THADA: variants seen among roughly 807,000 people sequenced by gnomAD.
The protein encoded by THADA is tRNA (32-2'-O)-methyltransferase regulator THADA.
Under a neutral mutation model 219.8 loss-of-function variants are expected in THADA, and 213 were observed. The observed-to-expected ratio is 0.97, with a 90% CI of 0.87 to 1.09. The LOEUF (loss-of-function observed/expected upper bound fraction) is 1.09. Among genes scored for constraint, THADA ranks in the 50% least tolerant of loss-of-function variants. The pLI is 0.00. For missense variants in THADA, 2,956 were observed against 2,311.3 expected (o/e 1.28, Z -5.72); for synonymous variants, 1,018 against 828.9 (o/e 1.23, Z -3.92).
chr2:43,331,648 C>G (rs1443561335), intron 30 of THADA, among the ~76,000 whole-genome samples: 1 of 152,162 alleles, frequency 6.6e-6, no homozygotes, highest in Non-Finnish European at 1.5e-5. Context: ...CACATGCACT[C>G]CCTCCAGTAT....
intron 36 of THADA, among the ~76,000 whole-genome samples, chr2:43,279,323 A>G (rs1181779676): frequency 6.6e-6 from 1 of 152,020 alleles, no homozygotes; most frequent in East Asian, 1.9e-4. Flanking sequence ...ACACATAATC[A>G]TTTCTCGCTT....
rs543324032 is a variant in THADA at position 43,376,415 on chromosome 2, G to A, written c.4227+21556C>T. On this transcript the variant is annotated intron_variant, in intron 29 of 37. Coordinates refer to ENST00000405975, the MANE Select transcript of THADA (RefSeq NM_022065.5). ...ATAGCTGAAAATACACAGAAGCAAT[G>A]TCCCTTTCCCAAACTACATGTGATG... Among the ~76,000 whole-genome samples the A allele has an allele frequency of 2.0e-5, 3 of 152,310 alleles. No homozygotes were observed. In the South Asian group the frequency reaches 6.2e-4, roughly 32 times the overall value.
rs1697329656 is a variant in THADA at position 43,556,258 on chromosome 2, AAT to A, written c.2674+85_2674+86del. On this transcript the variant is annotated intron_variant, in intron 17 of 37. Coordinates refer to ENST00000405975, the MANE Select transcript of THADA (RefSeq NM_022065.5). ...TAAACTTTTAAATAAAAAACCACAA[AAT>A]ATATGTTTAACCATTAGATATTCTA... is the stretch of plus-strand genomic sequence containing the variant. 7 of 1,535,740 alleles carry A rather than the reference AAT, an allele frequency of 4.6e-6. No homozygotes were observed. The East Asian group carries it at 6.8e-5, about 15-fold the overall frequency.
intron 29 of THADA, among the ~76,000 whole-genome samples, chr2:43,393,658 A>C (rs548503438): frequency 2.3e-4 from 35 of 152,052 alleles, no homozygotes; most frequent in Admixed American, 6.6e-4. Flanking sequence ...CAGTGAGCCA[A>C]GATGGTGCCA....
chr2:43,239,999 G>C (rs1482644933), intron 36 of THADA, among the ~76,000 whole-genome samples: 3 of 152,254 alleles, frequency 2.0e-5, no homozygotes, highest in Admixed American at 6.5e-5. Context: ...AGTTGCCAGA[G>C]GCAAGCTGAC....
At chr2:43,419,283 T>G (rs1677401475) in intron 28 of THADA, among the ~76,000 whole-genome samples, 1 of 152,116 alleles carries the variant, frequency 6.6e-6, no homozygotes, top group Admixed American at 6.5e-5. Flanking sequence ...TGTCTATAAC[T>G]GGTTGGAAGG....
chr2:43,527,865 G>C lies in THADA; in HGVS notation c.3374+14C>G, dbSNP rs1292316507. On this transcript the variant is annotated intron_variant, in intron 22 of 37. Coordinates refer to ENST00000405975, the MANE Select transcript of THADA (RefSeq NM_022065.5). ...AGTCTTTTTAAAACGTACACAAAAG[G>C]ATATTTGTTTTACCTGTTTAGTACT... 2 of 1,540,670 alleles carry C rather than the reference G, an allele frequency of 1.3e-6. No homozygotes were observed. The highest frequency in any genetic ancestry group is 1.7e-5 in the Admixed American group (1 of 58,194).
intron 36 of THADA, among the ~76,000 whole-genome samples, chr2:43,261,616 A>G (rs1670952142): frequency 6.8e-6 from 1 of 147,436 alleles, no homozygotes; most frequent in East Asian, 2.0e-4. Context: ...GCATGCCACT[A>G]ATGCCTGGCT....
rs1329105058 is a variant in THADA, at chr2:43,446,717, A to C, written c.3837-16415T>G. On this transcript the variant is annotated intron_variant, in intron 26 of 37. Coordinates refer to ENST00000405975, the MANE Select transcript of THADA (RefSeq NM_022065.5). ...ATGCAGCAATACGTAATTGAAACACAGTTATAATACTGAAGGCAATGAGTT... is the reference window on the plus strand; with the variant it reads ...ATGCAGCAATACGTAATTGAAACACCGTTATAATACTGAAGGCAATGAGTT... Among the ~76,000 whole-genome samples, 6 of 152,246 alleles carry C rather than the reference A, an allele frequency of 3.9e-5. No individual in the cohort carries two copies. In the East Asian group the frequency reaches 1.2e-3, roughly 29 times the overall value.
At chr2:43,353,323 C>T (rs1050443660) in intron 29 of THADA, among the ~76,000 whole-genome samples, 1 of 149,632 alleles carries the variant, frequency 6.7e-6, no homozygotes, top group South Asian at 2.2e-4. Flanking sequence ...CTTTTCTGCA[C>T]ACCCTCACCA....
In THADA at chr2:43,590,886, A is replaced by T; in HGVS notation, c.240T>A (p.Asp80Glu). The change falls in exon 4 of 38, where the codon GAT (aspartate) becomes GAA (glutamate). Residue 80 changes from aspartate to glutamate, a missense_variant. Transcript: ENST00000405975. The part of the protein sequence containing the change: ...MCDPTIQSCL[D>E]ILAGIYLSLS... ...AAGAAAGATAAATGCCTGCTAAGAT[A>T]TCCAAACAACTTTGAATAGTGGGAT... 1 of 1,613,944 alleles carries T rather than the reference A, an allele frequency of 6.2e-7. No individual in the cohort carries two copies. Among genetic ancestry groups the T allele is most frequent in the Non-Finnish European group, 8.5e-7 (1 of 1,179,846 alleles).
Position 43,481,015 on chromosome 2 carries a change from G to C in THADA, c.3836+4219C>G, listed in dbSNP as rs144138982. Among the ~76,000 whole-genome samples, 10 of 152,226 alleles carry C rather than the reference G, an allele frequency of 6.6e-5. 1 individual carries two copies. Among genetic ancestry groups the C allele is most frequent in the African/African-American group, 2.4e-4 (10 of 41,530 alleles). The stretch of plus-strand genomic sequence containing the variant: ...CCCTGCAGCTTTCAATTTTAGTTTT[G>C]AGAATTCAATTCTTTCCCAAACAAT... On this transcript the variant is annotated intron_variant, in intron 26 of 37. Coordinates refer to ENST00000405975, the MANE Select transcript of THADA (RefSeq NM_022065.5).
chr2:43,430,230 T>C lies in THADA; in HGVS notation c.3909A>G (p.Val1303=), dbSNP rs975075015. Reference sequence around the variant, plus strand: ...CTTCTTACCTGTCTACTGTATTGGCTACAGTTTCCAACTGTTTGAGAAGAA... The same window carrying C: ...CTTCTTACCTGTCTACTGTATTGGCCACAGTTTCCAACTGTTTGAGAAGAA... ...YPFLLKQLET[V]ANTVDSDMGE... The change falls in exon 27 of 38, where the codon GTA becomes GTG. Residue 1303 remains valine, a synonymous_variant. Transcript: ENST00000405975. 1 of 1,545,452 alleles carries C rather than the reference T, an allele frequency of 6.5e-7. No individual in the cohort carries two copies. Among genetic ancestry groups the C allele is most frequent in the African/African-American group, 1.4e-5 (1 of 73,186 alleles).
intron 22 of THADA, among the ~76,000 whole-genome samples, chr2:43,513,503 G>T (rs527615658): frequency 6.6e-6 from 1 of 152,288 alleles, no homozygotes; most frequent in South Asian, 2.1e-4. Context: ...ACCTGAAAAA[G>T]GGCTACTGCC....
chr2:43,518,479 T>C (rs1341628877), intron 22 of THADA, among the ~76,000 whole-genome samples: 3 of 152,056 alleles, frequency 2.0e-5, no homozygotes, highest in Admixed American at 1.3e-4. Flanking sequence ...CAAAATCAAC[T>C]CTATTAACCT....
At chr2:43,336,834 T>C (rs571659258) in intron 30 of THADA, among the ~76,000 whole-genome samples, 9 of 152,282 alleles carry the variant, frequency 5.9e-5, no homozygotes, top group African/African-American at 1.9e-4. Context: ...CAAACTCCTG[T>C]TTCCATGGGA....
chr2:43,586,506 T>A (rs1000060435), intron 6 of THADA, 57 bp from the exon 7 acceptor site: 30 of 1,432,930 alleles, frequency 2.1e-5, no homozygotes, highest in Admixed American at 7.7e-5. Flanking sequence ...TCAATTTCAA[T>A]AAAATAAAAT....
chr2:43,257,256 G>A (rs1056744478), intron 36 of THADA, among the ~76,000 whole-genome samples: 1 of 152,258 alleles, frequency 6.6e-6, no homozygotes, highest in African/African-American at 2.4e-5. Flanking sequence ...AGGGGACAGA[G>A]TGGAGTTTCC....
chr2:43,289,777 G>A (rs1674471292), intron 34 of THADA, among the ~76,000 whole-genome samples: 1 of 151,732 alleles, frequency 6.6e-6, no homozygotes, highest in Non-Finnish European at 1.5e-5. Context: ...TCAGCTTCCT[G>A]AGCAGCTGGG....
Sources: allele counts gnomAD v4.1 joint callset (sites outside exome capture counted in the v4.1 genomes callset), GRCh38; gene constraint gnomAD v4.1.1; transcripts MANE v1.5; gene names NCBI Gene and HGNC (gene_info 2026-07-23, HGNC 2026-07-21).